PHACTR2: variants seen among roughly 807,000 people sequenced by gnomAD.
PHACTR2 encodes phosphatase and actin regulator 2, also known as chromosome 6 open reading frame 56.
Under a neutral mutation model 76.0 loss-of-function variants are expected in PHACTR2, and 30 were observed. The ratio of observed to expected loss-of-function variants is 0.39; its 90% confidence interval spans 0.30 to 0.54. The LOEUF (loss-of-function observed/expected upper bound fraction) is 0.54. Ranked by LOEUF, PHACTR2 falls within the 20% of genes least tolerant of loss-of-function variation. The pLI is 0.61. For synonymous variants in PHACTR2, 292 were observed against 292.5 expected, an observed-to-expected ratio of 1.00 and a Z score of 0.02; for missense variants, 696 against 781.1, an observed-to-expected ratio of 0.89 and a Z score of 1.30.
rs1462239977 is a variant in PHACTR2 at position 143,791,798 on chromosome 6, CTT to C, written c.1845+2890_1845+2891del. ...GAATGCATACATTTTCTTGATGAAA[CTT>C]TGTTATATTTAAAAATATAATTTTT... is the stretch of plus-strand genomic sequence containing the variant. On this transcript the variant is annotated intron_variant, in intron 11 of 12. Coordinates refer to ENST00000440869, the MANE Select transcript of PHACTR2 (RefSeq NM_001100164.2). The surrounding 1 kb of genome is among the most constrained non-coding windows in gnomAD (Gnocchi z 4.7). 6.6e-6 allele frequency among the ~76,000 whole-genome samples: 1 copy of C among 151,762 alleles called. No homozygotes were observed. The highest frequency in any genetic ancestry group is 1.5e-5 in the Non-Finnish European group (1 of 67,978).
chr6:143,739,806 C>T lies in PHACTR2; in HGVS notation c.215-9179C>T, dbSNP rs2033511999. ...ATGGGCTGATCTCCCATGTCCATTC[C>T]CTTCTGCTGTTTGCGCAGGTCTAAG... On this transcript the variant is annotated intron_variant, in intron 2 of 12. Coordinates refer to ENST00000440869, the MANE Select transcript of PHACTR2 (RefSeq NM_001100164.2). The surrounding 1 kb of genome is among the most constrained non-coding windows in gnomAD (Gnocchi z 4.3). Among the ~76,000 whole-genome samples, 1 of 152,150 alleles carries T rather than the reference C, an allele frequency of 6.6e-6. No homozygotes were observed. Among genetic ancestry groups the T allele is most frequent in the Non-Finnish European group, 1.5e-5 (1 of 68,024 alleles).
At position 143,608,425 on chromosome 6, in the gene PHACTR2, T is replaced by C; in HGVS notation, c.13+103T>C. On this transcript the variant is annotated intron_variant, in intron 1 of 11. Transcript: ENST00000305766. This position sits in a 1 kb window ranked among gnomAD's most constrained non-coding sequence, Gnocchi z 4.6. ...CTATTTGTTGCTCTCGTTTTGCACT[T>C]AAATGTTCAAGACTGAGACGCGTGT... 5.1e-6 allele frequency: 6 copies of C among 1,186,984 alleles called. No homozygotes were observed. The highest frequency in any genetic ancestry group is 7.5e-6 in the Non-Finnish European group (6 of 801,038). The allele number at this position is 1,186,984 out of a possible 1,614,324, so 73.5% of individuals were successfully genotyped here. A position where few individuals can be genotyped will look rare whatever the true frequency, so the allele number is the denominator to read the frequency against.
In PHACTR2 at chr6:143,760,395, T is replaced by C. The variant is rs777122433; in HGVS notation, c.455-6T>C. 1.9e-6 allele frequency: 3 copies of C among 1,604,670 alleles called. No individual in the cohort carries two copies. The highest frequency in any genetic ancestry group is 2.6e-6 in the Non-Finnish European group (3 of 1,175,264). The stretch of plus-strand genomic sequence containing the variant: ...AGTCTGCTTCTGTTCACTTTCTCGT[T>C]TATAGAGAACACTGAAAACCACTCT... On this transcript the variant is annotated splice_polypyrimidine_tract_variant and splice_region_variant and intron_variant, in intron 4 of 12. Coordinates refer to ENST00000440869, the MANE Select transcript of PHACTR2 (RefSeq NM_001100164.2). This position sits in a 1 kb window ranked among gnomAD's most constrained non-coding sequence, Gnocchi z 6.4.
In PHACTR2 at chr6:143,765,113, A is replaced by G; in HGVS notation, c.695-148A>G. The G allele has an allele frequency of 4.6e-6, 3 of 654,382 alleles. No individual in the cohort carries two copies. Among genetic ancestry groups the G allele is most frequent in the Non-Finnish European group, 7.8e-6 (3 of 384,128 alleles). The allele number at this position is 654,382 out of a possible 1,614,324, so 40.5% of individuals were successfully genotyped here. A position where few individuals can be genotyped will look rare whatever the true frequency, so the allele number is the denominator to read the frequency against. ...GGGAGGGGCAGAAGACAAGACTATT[A>G]TCATGATTAGCCTATTTTCTCTTAT... On this transcript the variant is annotated intron_variant, in intron 5 of 12. Coordinates refer to ENST00000440869, the MANE Select transcript of PHACTR2 (RefSeq NM_001100164.2). The surrounding 1 kb of genome is among the most constrained non-coding windows in gnomAD (Gnocchi z 4.1).
Position 143,760,534 on chromosome 6 carries a change from C to G in PHACTR2, c.588C>G (p.His196Gln), listed in dbSNP as rs771966012. 1 of 1,613,928 alleles carries G rather than the reference C, an allele frequency of 6.2e-7. No individual in the cohort carries two copies. Among genetic ancestry groups the G allele is most frequent in the Non-Finnish European group, 8.5e-7 (1 of 1,179,880 alleles). The change falls in exon 5 of 13, where the codon CAC (histidine) becomes CAG (glutamine). Residue 196 changes from histidine to glutamine, a missense_variant. Transcript: ENST00000440869. The surrounding 1 kb of genome is among the most constrained non-coding windows in gnomAD (Gnocchi z 6.4). ...AAGGGGCCACTGCTGGGGCCAGCCACAAAGGTGATGAAGTGCCTCCCATTA... is the reference window on the plus strand; with the variant it reads ...AAGGGGCCACTGCTGGGGCCAGCCAGAAAGGTGATGAAGTGCCTCCCATTA... ...PPKGATAGAS[H>Q]KGDEVPPIKK... is the part of the protein sequence containing the mutation.
rs1453660635 is a variant in PHACTR2, at chr6:143,827,635, G to C, written c.*3946G>C. On this transcript the variant is annotated 3_prime_UTR_variant, in exon 13 of 13. Coordinates refer to ENST00000440869, the MANE Select transcript of PHACTR2 (RefSeq NM_001100164.2). ...ATGAAGCCTATCATTACTAGGAAAA[G>C]TATATTCTTTGGGATAAGAATTAAT... 1 of 152,100 alleles carries C rather than the reference G, an allele frequency of 6.6e-6. No individual in the cohort carries two copies. Among genetic ancestry groups the C allele is most frequent in the African/African-American group, 2.4e-5 (1 of 41,440 alleles). 9.4% of individuals were successfully genotyped at this position (152,100 alleles called of 1,614,324 possible).
At chr6:143,723,554 C>T (rs1778489929) in intron 2 of PHACTR2, among the ~76,000 whole-genome samples, 2 of 152,180 alleles carry the variant, frequency 1.3e-5, no homozygotes, top group Non-Finnish European at 1.5e-5. Context: ...CCTTGTCATC[C>T]ATTCATACAG....
chr6:143,704,022 A>T (rs1480369391), intron 1 of PHACTR2, among the ~76,000 whole-genome samples: 1 of 151,704 alleles, frequency 6.6e-6, no homozygotes, highest in Admixed American at 6.6e-5. Flanking sequence ...TCTTGGCATT[A>T]CTTTAAAAGG....
chr6:143,815,610 G>T (rs1418633184), intron 12 of PHACTR2, among the ~76,000 whole-genome samples: 1 of 152,030 alleles, frequency 6.6e-6, no homozygotes, highest in Non-Finnish European at 1.5e-5. Flanking sequence ...TTTACAGGAA[G>T]GGCTGGGCGC....
rs1775961927 is a variant in PHACTR2, at chr6:143,801,826, C to G, written c.1846-5231C>G. 6.6e-6 allele frequency among the ~76,000 whole-genome samples: 1 copy of G among 152,172 alleles called. No individual in the cohort carries two copies. Among genetic ancestry groups the G allele is most frequent in the Non-Finnish European group, 1.5e-5 (1 of 68,034 alleles). On this transcript the variant is annotated intron_variant, in intron 11 of 12. Coordinates refer to ENST00000440869, the MANE Select transcript of PHACTR2 (RefSeq NM_001100164.2). The surrounding 1 kb of genome is among the most constrained non-coding windows in gnomAD (Gnocchi z 4.6). ...CCTTTCTGCCTTGGTTTCTCCCCAT[C>G]TTTGTGGTTTTATTTACCTTTGGTC...
At chr6:143,717,850 G>A (rs565449071) in intron 2 of PHACTR2, among the ~76,000 whole-genome samples, 4 of 152,042 alleles carry the variant, frequency 2.6e-5, no homozygotes, top group Non-Finnish European at 5.9e-5. Context: ...GGGATTACAG[G>A]CATGAACCAT....
At position 143,585,094 on chromosome 6, in the gene PHACTR2, T is replaced by A. The variant is rs1322042640; in HGVS notation, c.217+47887T>A. Among the ~76,000 whole-genome samples the A allele has an allele frequency of 6.6e-6, 1 of 151,990 alleles. No homozygotes were observed. The highest frequency in any genetic ancestry group is 1.5e-5 in the Non-Finnish European group (1 of 68,020). On this transcript the variant is annotated intron_variant, in intron 1 of 11. Coordinates refer to the PHACTR2 transcript ENST00000367584. The surrounding 1 kb of genome is among the most constrained non-coding windows in gnomAD (Gnocchi z 5.2). ...TATTTAAGCAGCAATTATGGAGTTG[T>A]TGACGGGCAGGACCAAGGCCTGGCA...
Position 143,743,862 on chromosome 6 carries a change from G to A in PHACTR2, c.215-5123G>A, listed in dbSNP as rs538603676. 6.6e-6 allele frequency among the ~76,000 whole-genome samples: 1 copy of A among 152,196 alleles called. No homozygotes were observed. The highest frequency in any genetic ancestry group is 2.4e-5 in the African/African-American group (1 of 41,520). On this transcript the variant is annotated intron_variant, in intron 2 of 12. Coordinates refer to ENST00000440869, the MANE Select transcript of PHACTR2 (RefSeq NM_001100164.2). This position sits in a 1 kb window ranked among gnomAD's most constrained non-coding sequence, Gnocchi z 5.0. The stretch of plus-strand genomic sequence containing the variant: ...TTGAGAATTAGGACTCTCTTTCCTC[G>A]CCAAAGAAAAACACAAGTGACTTGT...
rs1775917700 is a variant in PHACTR2, at chr6:143,800,089, GA to G, written c.1846-6967del. Among the ~76,000 whole-genome samples the G allele has an allele frequency of 6.6e-6, 1 of 152,060 alleles. No individual in the cohort carries two copies. Among genetic ancestry groups the G allele is most frequent in the South Asian group, 2.1e-4 (1 of 4,820 alleles). On this transcript the variant is annotated intron_variant, in intron 11 of 12. Transcript: ENST00000440869. The surrounding 1 kb of genome is among the most constrained non-coding windows in gnomAD (Gnocchi z 4.8). ...GTGTACTGGATGCATATATATTTAG[GA>G]TAGTTAACTCTTTTTGTTGAATTGA...
intron 2 of PHACTR2, among the ~76,000 whole-genome samples, chr6:143,741,249 C>T (rs901762922): frequency 4.1e-5 from 6 of 147,070 alleles, no homozygotes; most frequent in Admixed American, 2.7e-4. Flanking sequence ...TGGTGGCGCA[C>T]GCCTTTAATC....
chr6:143,737,153 C>T (rs1391999292), intron 2 of PHACTR2, among the ~76,000 whole-genome samples: 1 of 151,190 alleles, frequency 6.6e-6, no homozygotes, highest in Non-Finnish European at 1.5e-5. Flanking sequence ...TTATTTTATA[C>T]CTTTCTGTAA....
rs1360833232 is a variant in PHACTR2 at position 143,595,507 on chromosome 6, T to G, written c.217+58300T>G. 6.6e-6 allele frequency among the ~76,000 whole-genome samples: 1 copy of G among 152,238 alleles called. No individual in the cohort carries two copies. On this transcript the variant is annotated intron_variant, in intron 1 of 11. Coordinates refer to the PHACTR2 transcript ENST00000367584. This position sits in a 1 kb window ranked among gnomAD's most constrained non-coding sequence, Gnocchi z 4.2. ...AATGTTTCCAGACTCAAATGACTGA[T>G]GAGCTAACATATTTTTAATTCAGAC...
intron 1 of PHACTR2, among the ~76,000 whole-genome samples, chr6:143,661,122 A>C (rs1417606880): frequency 6.6e-6 from 1 of 152,242 alleles, no homozygotes; most frequent in Non-Finnish European, 1.5e-5. Context: ...TTCATAGTAA[A>C]ATTTGCATAC....
At position 143,765,616 on chromosome 6, in the gene PHACTR2, T is replaced by G. The variant is rs202166197; in HGVS notation, c.1050T>G (p.Pro350=). ...VAPAPSPLAP[P]LPLEDQCITA... ...CAGCACCTTCTCCTCTGGCCCCCCCTCTCCCTCTTGAGGATCAGTGCATTA... is the reference window on the plus strand; with the variant it reads ...CAGCACCTTCTCCTCTGGCCCCCCCGCTCCCTCTTGAGGATCAGTGCATTA... Residue 350 remains proline, a synonymous_variant, in exon 6 of 13, where the codon CCT becomes CCG. Transcript: ENST00000440869. This position sits in a 1 kb window ranked among gnomAD's most constrained non-coding sequence, Gnocchi z 4.1. 1.9e-4 allele frequency: 308 copies of G among 1,613,830 alleles called. No individual in the cohort carries two copies. The African/African-American group carries it at 3.8e-3, about 20-fold the overall frequency.
Sources: allele counts gnomAD v4.1 joint callset (sites outside exome capture counted in the v4.1 genomes callset), GRCh38; gene constraint gnomAD v4.1.1; non-coding constraint Gnocchi (gnomAD v3.1); transcripts MANE v1.5; gene names NCBI Gene and HGNC (gene_info 2026-07-23, HGNC 2026-07-21).